MERTK: variants seen among roughly 807,000 people sequenced by gnomAD.
MERTK encodes MER proto-oncogene, tyrosine kinase, also known as tyrosine-protein kinase Mer.
A neutral mutation model predicts 99.3 loss-of-function variants in MERTK; 69 were observed. That is an observed-to-expected ratio of 0.70 (90% confidence interval 0.57 to 0.85). MERTK has a LOEUF of 0.85. Among genes scored for constraint, MERTK ranks in the 40% least tolerant of loss-of-function variants. The pLI is 0.00. For synonymous variants in MERTK, 426 were observed against 467.6 expected (o/e 0.91, Z 1.15); for missense variants, 1,125 against 1,249.4 (o/e 0.90, Z 1.50).
chr2:111,939,149 G>A (rs1224789176), intron 2 of MERTK, among the ~76,000 whole-genome samples: 1 of 152,114 alleles, frequency 6.6e-6, no homozygotes, highest in Non-Finnish European at 1.5e-5. Context: ...TCAAGGTCAA[G>A]GACCCCCATC....
intron 7 of MERTK, among the ~76,000 whole-genome samples, chr2:111,977,936 AATT>A (rs767165894): frequency 4.6e-5 from 7 of 151,790 alleles, no homozygotes; most frequent in Non-Finnish European, 8.8e-5. Context: ...ATGCAGTTAT[AATT>A]ACTTTCCTTT....
chr2:112,014,413 C>T (rs1677174766), intron 15 of MERTK, among the ~76,000 whole-genome samples: 2 of 151,484 alleles, frequency 1.3e-5, no homozygotes, highest in African/African-American at 2.4e-5. Context: ...GATCAGCCGC[C>T]TCGGCCTCCC....
At chr2:112,011,980 C>A (rs1677114376) in intron 15 of MERTK, among the ~76,000 whole-genome samples, 2 of 152,156 alleles carry the variant, frequency 1.3e-5, no homozygotes, top group Non-Finnish European at 2.9e-5. Context: ...GGCTCAAATG[C>A]CCAGTGGGCC....
chr2:111,904,455 C>T (rs1382905892), intron 1 of MERTK, among the ~76,000 whole-genome samples: 1 of 151,262 alleles, frequency 6.6e-6, no homozygotes, highest in East Asian at 1.9e-4. Context: ...CGGCTCACTG[C>T]AACCTCCGCC....
At chr2:112,004,774 G>A (rs1558804227) in intron 13 of MERTK, among the ~76,000 whole-genome samples, 1 of 152,070 alleles carries the variant, frequency 6.6e-6, no homozygotes, top group Non-Finnish European at 1.5e-5. Context: ...GCCGGGCGTG[G>A]TGACACACAC....
Position 112,028,216 on chromosome 2 carries a change from G to A in MERTK, c.2487-135G>A, listed in dbSNP as rs181977856. ...GTATAAATATTAGGCCACCAAAAAAGTCTCAATAATTTTTATAAAAAGTAG... is the reference window on the plus strand; with the variant it reads ...GTATAAATATTAGGCCACCAAAAAAATCTCAATAATTTTTATAAAAAGTAG... On this transcript the variant is annotated intron_variant, in intron 18 of 18. Coordinates refer to ENST00000295408, the MANE Select transcript of MERTK (RefSeq NM_006343.3). 2,040 of 986,052 alleles carry A rather than the reference G, an allele frequency of 2.1e-3. 2 individuals carry two copies. Among genetic ancestry groups the A allele is most frequent in the Admixed American group, 2.9e-3 (120 of 41,962 alleles). 61.1% of individuals were successfully genotyped at this position (986,052 alleles called of 1,614,324 possible). A position where few individuals can be genotyped will look rare whatever the true frequency, so the allele number is the denominator to read the frequency against.
chr2:111,919,851 G>C lies in MERTK; in HGVS notation c.62-9269G>C, dbSNP rs535714003. Among the ~76,000 whole-genome samples the C allele has an allele frequency of 2.7e-5, 4 of 149,552 alleles. No individual in the cohort carries two copies. The South Asian group carries it at 8.5e-4, about 32-fold the overall frequency. ...GGAATGTATTGGGCCAGGGGCAGTA[G>C]GAAGGTCACCCCACTGATAAGCAAG... is the stretch of plus-strand genomic sequence containing the variant. On this transcript the variant is annotated intron_variant, in intron 1 of 18. Coordinates refer to ENST00000295408, the MANE Select transcript of MERTK (RefSeq NM_006343.3).
At chr2:111,916,970 G>A (rs1458363405) in intron 1 of MERTK, among the ~76,000 whole-genome samples, 1 of 152,090 alleles carries the variant, frequency 6.6e-6, no homozygotes, top group Non-Finnish European at 1.5e-5. Flanking sequence ...GGCAGTTCCG[G>A]CTCCCCACCA....
intron 11 of MERTK, among the ~76,000 whole-genome samples, chr2:112,001,599 A>G (rs920358516): frequency 3.9e-5 from 6 of 152,202 alleles, no homozygotes; most frequent in Non-Finnish European, 7.3e-5. Flanking sequence ...GAAAACTTCT[A>G]ACTAGTGAAC....
chr2:112,015,480 T>C (rs13387346), intron 15 of MERTK, among the ~76,000 whole-genome samples: 6,403 of 152,294 alleles, frequency 0.042, 125 homozygotes, highest in African/African-American at 0.056. Context: ...TACATCCGCT[T>C]TGATGAGTGT....
rs1187204332 is a variant in MERTK, at chr2:111,945,035, T to C, written c.558T>C (p.Ser186=). The C allele has an allele frequency of 1.6e-5, 26 of 1,613,480 alleles. No individual in the cohort carries two copies. Among genetic ancestry groups the C allele is most frequent in the Non-Finnish European group, 2.1e-5 (25 of 1,179,652 alleles). ...KMKINNEEIV[S]DPIYIEVQGL... is the part of the protein sequence containing the mutation. The stretch of plus-strand genomic sequence containing the variant: ...AAATAAACAATGAAGAGATCGTGTC[T>C]GATCCCATCTACATCGAAGTACAAG... The change falls in exon 3 of 19, where the codon TCT becomes TCC. Residue 186 remains serine (S), a synonymous_variant. Transcript: ENST00000295408.
chr2:111,973,480 T>C (rs990277776), intron 6 of MERTK, among the ~76,000 whole-genome samples: 3 of 152,138 alleles, frequency 2.0e-5, no homozygotes, highest in African/African-American at 4.8e-5. Flanking sequence ...GTACTCCTGG[T>C]ATCTGCCAGG....
Position 112,001,210 on chromosome 2 carries a change from C to T in MERTK, c.1614C>T (p.Phe538=). Residue 538 remains phenylalanine (F), a synonymous_variant, in exon 11 of 19, where the codon TTC becomes TTT. Transcript: ENST00000295408. ...GTTTTCATTCACCCAGGAATGCATT[C>T]ACAGAGGAGGATTCTGAATTAGTGG... ...RVQETKFGNA[F]TEEDSELVVN... is the part of the protein sequence containing the mutation. 3 of 1,612,748 alleles carry T rather than the reference C, an allele frequency of 1.9e-6. No homozygotes were observed. The highest frequency in any genetic ancestry group is 2.5e-6 in the Non-Finnish European group (3 of 1,178,792).
chr2:111,970,306 G>T (rs1464269587), intron 6 of MERTK, among the ~76,000 whole-genome samples: 1 of 151,824 alleles, frequency 6.6e-6, no homozygotes, highest in Non-Finnish European at 1.5e-5. Context: ...ACAGGCGGGT[G>T]CCACCACGCC....
Position 112,008,469 on chromosome 2 carries a change from C to T in MERTK, c.1954C>T (p.Leu652Phe). The change falls in exon 14 of 19, where the codon CTT becomes TTT. Residue 652 changes from leucine to phenylalanine, a missense_variant. Leu to Phe is a conservative substitution (Grantham distance 22). Transcript: ENST00000295408. ...KDFSHPNVIRLLGVCIEMSSQ... is the reference protein window; with the variant it reads ...KDFSHPNVIRFLGVCIEMSSQ... ...CTTCAGCCACCCAAATGTCATTCGACTTCTAGGTACTTCCGAGAAATGCAG... is the reference window on the plus strand; with the variant it reads ...CTTCAGCCACCCAAATGTCATTCGATTTCTAGGTACTTCCGAGAAATGCAG... 1.2e-6 allele frequency: 2 copies of T among 1,613,166 alleles called. No individual in the cohort carries two copies. The highest frequency in any genetic ancestry group is 2.2e-5 in the South Asian group (2 of 91,068).
chr2:112,013,506 G>A lies in MERTK; in HGVS notation c.2079+3440G>A, dbSNP rs552685027. ...TCACTACATACACACTTGCCCCTGG[G>A]ATGACAGTGGCTAACCTTTCTCAAG... On this transcript the variant is annotated intron_variant, in intron 15 of 18. Transcript: ENST00000295408. The A allele has an allele frequency of 6.1e-4, 94 of 154,462 alleles. 1 individual carries two copies. Among genetic ancestry groups the A allele is most frequent in the Non-Finnish European group, 9.5e-4 (65 of 68,214 alleles). 9.6% of individuals were successfully genotyped at this position (154,462 alleles called of 1,614,324 possible).
At chr2:111,924,007 A>G (rs1684511360) in intron 1 of MERTK, among the ~76,000 whole-genome samples, 1 of 152,046 alleles carries the variant, frequency 6.6e-6, no homozygotes, top group South Asian at 2.1e-4. Context: ...TGGTGAGGTT[A>G]TGCATTGCAC....
chr2:111,899,640 C>T (rs923490752), intron 1 of MERTK, among the ~76,000 whole-genome samples: 2 of 152,100 alleles, frequency 1.3e-5, no homozygotes, highest in African/African-American at 4.8e-5. Context: ...GCCTCAGCCT[C>T]CCGAGTAGCT....
intron 9 of MERTK, 180 bp from the exon 10 acceptor site, chr2:111,997,143 A>G (rs4848238): frequency 2.5e-6 from 2 of 790,922 alleles, no homozygotes; most frequent in Non-Finnish European, 4.5e-6. Flanking sequence ...CTAGTTTCCC[A>G]TCAGTTATTA....
Sources: gnomAD v4.1 joint callset for allele counts (sites outside exome capture counted in the v4.1 genomes callset) on GRCh38, gnomAD v4.1.1 for gene constraint, MANE v1.5 for transcripts, NCBI Gene and HGNC (gene_info 2026-07-23, HGNC 2026-07-21) for gene names.